Variants in ECT2L observed in about 807,000 individuals in gnomAD.
ECT2L encodes epithelial cell-transforming sequence 2 oncogene-like.
A neutral mutation model predicts 122.8 loss-of-function variants in ECT2L; 126 were observed. The ratio of observed to expected loss-of-function variants is 1.03; its 90% CI spans 0.89 to 1.19. ECT2L has a LOEUF of 1.19. Among genes scored for constraint, ECT2L ranks in the 50% most tolerant of loss-of-function variants. ECT2L has a pLI of 0.00. For missense variants in ECT2L, 1,012 were observed against 1,064.1 expected, an observed-to-expected ratio of 0.95 and a Z score of 0.68; for synonymous variants, 385 against 381.8, an observed-to-expected ratio of 1.01 and a Z score of -0.10.
chr6:138,890,130 G>T (rs560938045), intron 20 of ECT2L, among the ~76,000 whole-genome samples: 40 of 152,148 alleles, frequency 2.6e-4, no homozygotes, highest in African/African-American at 8.4e-4. Flanking sequence ...GAATAAAATA[G>T]AAATAAAATA....
chr6:138,803,055 C>T (rs561850319), intron 1 of ECT2L, among the ~76,000 whole-genome samples: 16 of 147,638 alleles, frequency 1.1e-4, no homozygotes, highest in Middle Eastern at 3.4e-3. Flanking sequence ...CCAACCTGGG[C>T]GACACAGAGA....
intron 13 of ECT2L, among the ~76,000 whole-genome samples, chr6:138,874,992 G>A (rs1057240689): frequency 1.3e-5 from 2 of 152,290 alleles, no homozygotes; most frequent in East Asian, 3.9e-4. Context: ...GGAGGTTGAG[G>A]TGGGAGATCA....
At chr6:138,838,788 T>C (rs149381229) in intron 5 of ECT2L, among the ~76,000 whole-genome samples, 1,976 of 152,324 alleles carry the variant, frequency 0.013, 29 homozygotes, top group Non-Finnish European at 0.022. Flanking sequence ...GTTAAAGAAG[T>C]TCCTTTTTGA....
chr6:138,847,657 G>C (rs983639983), intron 8 of ECT2L, among the ~76,000 whole-genome samples: 5 of 150,972 alleles, frequency 3.3e-5, no homozygotes, highest in African/African-American at 1.2e-4. Context: ...GATTACAGGC[G>C]TAAGCCACCG....
At chr6:138,855,811 T>TG (rs1269808660) in intron 10 of ECT2L, among the ~76,000 whole-genome samples, 2 of 152,236 alleles carry the variant, frequency 1.3e-5, no homozygotes, top group Admixed American at 6.5e-5. Flanking sequence ...CTCAATTTCC[T>TG]GTAATGAACT....
At chr6:138,867,074 AAAAAAAACAAAAAAAC>A (rs370228856) in intron 12 of ECT2L, among the ~76,000 whole-genome samples, 130 of 151,506 alleles carry the variant, frequency 8.6e-4, no homozygotes, top group African/African-American at 2.8e-3. Flanking sequence ...ACCCTGTCTC[AAAAAAAACAAAAAAAC>A]AAAAAAACAA....
rs572888091 is a variant in ECT2L at position 138,869,637 on chromosome 6, T to C, written c.1578+1431T>C. On this transcript the variant is annotated intron_variant, in intron 13 of 21. Coordinates refer to ENST00000541398, the MANE Select transcript of ECT2L (RefSeq NM_001077706.3). ...ACTGTCTGCCAAAACACTGAAGGAT[T>C]ACTCAGCATGCTTGGTGTCAGTTCA... Among the ~76,000 whole-genome samples the C allele has an allele frequency of 3.3e-5, 5 of 152,334 alleles. No homozygotes were observed. The East Asian group carries it at 9.6e-4, about 29-fold the overall frequency.
At chr6:138,886,946 G>T (rs763847133) in intron 19 of ECT2L, 24 bp downstream of exon 19, 74 of 1,587,202 alleles carry the variant, frequency 4.7e-5, no homozygotes, top group Non-Finnish European at 5.8e-5. Flanking sequence ...GGAACTTGCT[G>T]TATCTCATGC....
At chr6:138,869,927 T>C (rs1417392905) in intron 13 of ECT2L, among the ~76,000 whole-genome samples, 2 of 152,168 alleles carry the variant, frequency 1.3e-5, no homozygotes, top group Non-Finnish European at 2.9e-5. Context: ...CCATAAAATT[T>C]TGGTGTCTTA....
At chr6:138,822,670 C>T (rs557033668) in intron 4 of ECT2L, 1 of 1,312,028 alleles carries the variant, frequency 7.6e-7, no homozygotes, top group East Asian at 2.5e-5. Context: ...CGAATAGGAA[C>T]AGCTCCGGTC....
At chr6:138,806,836 A>G (rs559209372) in intron 1 of ECT2L, among the ~76,000 whole-genome samples, 12 of 151,966 alleles carry the variant, frequency 7.9e-5, no homozygotes, top group Admixed American at 2.0e-4. Flanking sequence ...GACCTCCCCA[A>G]AACTTAACTA....
chr6:138,897,408 A>T (rs146598255), intron 20 of ECT2L, among the ~76,000 whole-genome samples: 1 of 152,246 alleles, frequency 6.6e-6, no homozygotes, highest in African/African-American at 2.4e-5. Flanking sequence ...ATTAGATATC[A>T]TAAGTAACCT....
At chr6:138,835,104 C>T (rs1213987107) in intron 4 of ECT2L, among the ~76,000 whole-genome samples, 2 of 151,920 alleles carry the variant, frequency 1.3e-5, no homozygotes, top group East Asian at 3.9e-4. Flanking sequence ...ATCGTTAAAA[C>T]TTGGAACTGA....
At chr6:138,823,604 A>T in intron 4 of ECT2L, 2 of 1,413,302 alleles carry the variant, frequency 1.4e-6, no homozygotes, top group Non-Finnish European at 1.9e-6. Context: ...TCGCCATCCA[A>T]GTCACAGAAA....
chr6:138,844,515 A>G lies in ECT2L; in HGVS notation c.699A>G (p.Arg233=). 2 of 1,614,164 alleles carry G rather than the reference A, an allele frequency of 1.2e-6. No homozygotes were observed. Among genetic ancestry groups the G allele is most frequent in the Non-Finnish European group, 1.7e-6 (2 of 1,180,018 alleles). The change falls in exon 7 of 22, where the codon CGA becomes CGG. Residue 233 remains arginine (R), a synonymous_variant. Transcript: ENST00000541398. The part of the protein sequence containing the change: ...QPRLSQTVRE[R]VGLHEALEKQ... ...GCCTCTCCCAGACTGTAAGGGAGCG[A>G]GTGGGATTACATGAAGCTTTGGAGA...
chr6:138,831,961 G>A (rs1442308258), intron 4 of ECT2L, among the ~76,000 whole-genome samples: 1 of 152,106 alleles, frequency 6.6e-6, no homozygotes, highest in African/African-American at 2.4e-5. Context: ...GATATTTCAG[G>A]AACTTTGTAT....
intron 13 of ECT2L, among the ~76,000 whole-genome samples, chr6:138,872,263 T>G (rs996858033): frequency 6.6e-6 from 1 of 152,226 alleles, no homozygotes; most frequent in African/African-American, 2.4e-5. Flanking sequence ...CAGAGGGCAA[T>G]TCCTCATCTT....
intron 10 of ECT2L, among the ~76,000 whole-genome samples, chr6:138,856,568 C>A (rs2128396322): frequency 6.6e-6 from 1 of 152,340 alleles, no homozygotes; most frequent in African/African-American, 2.4e-5. Context: ...TTCACTACCA[C>A]CATGTCTTCA....
At chr6:138,872,281 C>T (rs1244014877) in intron 13 of ECT2L, among the ~76,000 whole-genome samples, 1 of 152,232 alleles carries the variant, frequency 6.6e-6, no homozygotes, top group African/African-American at 2.4e-5. Flanking sequence ...CTTTTTAGTT[C>T]CATTCTCTAA....
Sources: allele counts gnomAD v4.1 joint callset (sites outside exome capture counted in the v4.1 genomes callset), GRCh38; gene constraint gnomAD v4.1.1; transcripts MANE v1.5; gene names NCBI Gene and HGNC (gene_info 2026-07-23, HGNC 2026-07-21).